The following IQCF1 variants were observed in gnomAD, a reference collection of about 807,000 sequenced individuals.
IQCF1 encodes IQ domain-containing protein F1.
A neutral mutation model predicts 12.5 loss-of-function variants in IQCF1; 9 were observed. That is an observed-to-expected ratio of 0.72 (90% CI 0.43 to 1.26). The LOEUF (loss-of-function observed/expected upper bound fraction) is 1.26. IQCF1 is among the 50% of genes most tolerant of loss of function. The pLI is 0.00. For missense variants in IQCF1, 252 were observed against 257.4 expected (o/e 0.98, Z 0.14); for synonymous variants, 67 against 96.2 (o/e 0.70, Z 1.78).
Position 51,903,097 on chromosome 3 carries a change from C to G in IQCF1, c.4-8G>C. On this transcript the variant is annotated splice_polypyrimidine_tract_variant and splice_region_variant and intron_variant, in intron 1 of 3. Transcript: ENST00000310914. ...TTGGGGCTGCTTCTCCTCCTGCAAT[C>G]AGCATTAGGGGAAAGGCAAGAGTGA... 1 of 1,613,582 alleles carries G rather than the reference C, an allele frequency of 6.2e-7. No individual in the cohort carries two copies. The highest frequency in any genetic ancestry group is 8.5e-7 in the Non-Finnish European group (1 of 1,179,498).
At chr3:51,901,146 T>C (rs1699071115) in intron 2 of IQCF1, among the ~76,000 whole-genome samples, 1 of 152,246 alleles carries the variant, frequency 6.6e-6, no homozygotes, top group Admixed American at 6.5e-5. Flanking sequence ...AAAGCAATTG[T>C]TATGCTTGTG....
chr3:51,897,821 C>T (rs1699028963), intron 2 of IQCF1, among the ~76,000 whole-genome samples: 1 of 152,190 alleles, frequency 6.6e-6, no homozygotes, highest in Non-Finnish European at 1.5e-5. Flanking sequence ...TGAGTGGGTC[C>T]TCTCTGCAGT....
chr3:51,896,056 GTC>G (rs1312833038), intron 3 of IQCF1, among the ~76,000 whole-genome samples: 1 of 152,192 alleles, frequency 6.6e-6, no homozygotes, highest in Non-Finnish European at 1.5e-5. Flanking sequence ...TTGCATCTGA[GTC>G]TCTATTAACA....
rs1698993831 is a variant in IQCF1, at chr3:51,895,586, T to A, written c.172-250A>T. Among the ~76,000 whole-genome samples the A allele has an allele frequency of 6.6e-6, 1 of 152,218 alleles. No individual in the cohort carries two copies. The highest frequency in any genetic ancestry group is 1.5e-5 in the Non-Finnish European group (1 of 68,030). ...TGTCCTCCCCATCTTGGGGCACACC[T>A]GCCCTGGCTACCTCACCCAGTTTTC... On this transcript the variant is annotated intron_variant, in intron 3 of 3. Coordinates refer to ENST00000310914, the MANE Select transcript of IQCF1 (RefSeq NM_152397.3). The surrounding 1 kb of genome is among the most constrained non-coding windows in gnomAD (Gnocchi z 4.8).
At chr3:51,903,168 C>G in intron 1 of IQCF1, 79 bp from the exon 2 acceptor site, 1 of 1,589,324 alleles carries the variant, frequency 6.3e-7, no homozygotes, top group Non-Finnish European at 8.6e-7. Context: ...ACATCCCCAG[C>G]TTCCAGGGCT....
chr3:51,903,187 T>C, intron 1 of IQCF1, 83 bp downstream of exon 1: 9 of 1,592,446 alleles, frequency 5.7e-6, no homozygotes, highest in African/African-American at 4.0e-5. Context: ...CTTCTTAGAG[T>C]CTTCAGTGTC....
intron 2 of IQCF1, among the ~76,000 whole-genome samples, chr3:51,901,468 C>T (rs960866734): frequency 5.3e-5 from 8 of 152,334 alleles, no homozygotes; most frequent in African/African-American, 1.9e-4. Flanking sequence ...ATCAATCAGT[C>T]AGCCCTTGTT....
In IQCF1 at chr3:51,895,593, G is replaced by T. The variant is rs1188583399; in HGVS notation, c.172-257C>A. Among the ~76,000 whole-genome samples, 1 of 152,166 alleles carries T rather than the reference G, an allele frequency of 6.6e-6. No individual in the cohort carries two copies. The highest frequency in any genetic ancestry group is 1.5e-5 in the Non-Finnish European group (1 of 68,028). On this transcript the variant is annotated intron_variant, in intron 3 of 3. Coordinates refer to ENST00000310914, the MANE Select transcript of IQCF1 (RefSeq NM_152397.3). The surrounding 1 kb of genome is among the most constrained non-coding windows in gnomAD (Gnocchi z 4.8). ...CCCATCTTGGGGCACACCTGCCCTG[G>T]CTACCTCACCCAGTTTTCCATGGAC... is the stretch of plus-strand genomic sequence containing the variant.
intron 2 of IQCF1, among the ~76,000 whole-genome samples, chr3:51,897,434 CA>C (rs896780723): frequency 6.6e-6 from 1 of 152,222 alleles, no homozygotes; most frequent in African/African-American, 2.4e-5. Flanking sequence ...TTACTTATAA[CA>C]ATTTGGGGGC....
intron 3 of IQCF1, among the ~76,000 whole-genome samples, chr3:51,896,590 C>T (rs1347670211): frequency 6.6e-6 from 1 of 152,128 alleles, no homozygotes; most frequent in Admixed American, 6.6e-5. Context: ...TTCCTCCACC[C>T]CAAAGTTCAA....
At chr3:51,897,126 A>C (rs770417113) in intron 2 of IQCF1, among the ~76,000 whole-genome samples, 24 of 152,002 alleles carry the variant, frequency 1.6e-4, no homozygotes, top group Non-Finnish European at 3.4e-4. Context: ...ACCCTGACTC[A>C]TTCCGATTTC....
chr3:51,900,236 A>G lies in IQCF1; in HGVS notation c.108+2749T>C, dbSNP rs1018762084. Among the ~76,000 whole-genome samples the G allele has an allele frequency of 5.9e-5, 9 of 152,148 alleles. No homozygotes were observed. The highest frequency in any genetic ancestry group is 2.2e-4 in the African/African-American group (9 of 41,420). ...CTAACCACCGAGACTGCTGTTGTACAGCGGAAAGGGGATGGACTCACCACA... is the reference window on the plus strand; with the variant it reads ...CTAACCACCGAGACTGCTGTTGTACGGCGGAAAGGGGATGGACTCACCACA... On this transcript the variant is annotated intron_variant, in intron 2 of 3. Transcript: ENST00000310914. This position sits in a 1 kb window ranked among gnomAD's most constrained non-coding sequence, Gnocchi z 4.2.
Position 51,894,933 on chromosome 3 carries a change from G to T in IQCF1, c.575C>A (p.Pro192His), listed in dbSNP as rs577128122. ...LQLEILLDSGPCIVTECIPFS... is the reference protein window; with the variant it reads ...LQLEILLDSGHCIVTECIPFS... The stretch of plus-strand genomic sequence containing the variant: ...GGGAATACACTCTGTCACAATGCAA[G>T]GCCCTGAGTCCAGCAAGATCTCCAG... Residue 192 changes from proline (P) to histidine (H), a missense_variant, in exon 4 of 4, where the codon CCT becomes CAT. Physicochemically the swap from Pro to His is moderately conservative, Grantham distance 77 (BLOSUM62 -2). Transcript: ENST00000310914. The T allele has an allele frequency of 1.8e-5, 29 of 1,614,152 alleles. No individual in the cohort carries two copies. In the South Asian group the frequency reaches 3.2e-4, roughly 18 times the overall value.
chr3:51,899,614 T>G (rs1364323098), intron 2 of IQCF1, among the ~76,000 whole-genome samples: 1 of 152,226 alleles, frequency 6.6e-6, no homozygotes, highest in Non-Finnish European at 1.5e-5. Context: ...GTAAACATAT[T>G]GGCTAAAGTT....
rs759553486 is a variant in IQCF1 at position 51,895,083 on chromosome 3, C to T, written c.425G>A (p.Arg142Lys). The T allele has an allele frequency of 6.2e-7, 1 of 1,614,234 alleles. No homozygotes were observed. Among genetic ancestry groups the T allele is most frequent in the Non-Finnish European group, 8.5e-7 (1 of 1,180,048 alleles). Residue 142 changes from arginine (R) to lysine (K), a missense_variant, in exon 4 of 4, where the codon AGA becomes AAA. By Grantham distance (26) the Arg-to-Lys change is conservative. Transcript: ENST00000310914. This position sits in a 1 kb window ranked among gnomAD's most constrained non-coding sequence, Gnocchi z 4.8. ...AGCATTGAGCACCTGGCAATAGCGT[C>T]TGCGGATGCGCCACATGCGGGCCTG... The part of the protein sequence containing the change: ...QSQARMWRIR[R>K]RYCQVLNAVR...
chr3:51,900,116 C>T lies in IQCF1; in HGVS notation c.108+2869G>A, dbSNP rs558775305. On this transcript the variant is annotated intron_variant, in intron 2 of 3. Coordinates refer to ENST00000310914, the MANE Select transcript of IQCF1 (RefSeq NM_152397.3). This position sits in a 1 kb window ranked among gnomAD's most constrained non-coding sequence, Gnocchi z 4.2. ...GCACAGGTACCACCCCTAGAATTTC[C>T]GGTAAACCAGCACCAGCCTGAAGAT... 2.6e-5 allele frequency among the ~76,000 whole-genome samples: 4 copies of T among 152,210 alleles called. No homozygotes were observed. The South Asian group carries it at 8.3e-4, about 32-fold the overall frequency.
chr3:51,901,762 G>T (rs1337267819), intron 2 of IQCF1, among the ~76,000 whole-genome samples: 2 of 152,180 alleles, frequency 1.3e-5, no homozygotes, highest in East Asian at 3.8e-4. Flanking sequence ...ATATTTTGTT[G>T]AGAGACAATT....
chr3:51,897,343 G>T (rs148799282), intron 2 of IQCF1, among the ~76,000 whole-genome samples: 1 of 152,188 alleles, frequency 6.6e-6, no homozygotes, highest in African/African-American at 2.4e-5. Flanking sequence ...CTGAAAGGGC[G>T]CACCCTTCTA....
At chr3:51,902,190 C>T (rs1199153424) in intron 2 of IQCF1, among the ~76,000 whole-genome samples, 2 of 152,200 alleles carry the variant, frequency 1.3e-5, no homozygotes, top group Admixed American at 6.5e-5. Flanking sequence ...CTGTGTCACA[C>T]CATGCGTCCG....
Sources: gnomAD v4.1 joint callset for allele counts (sites outside exome capture counted in the v4.1 genomes callset) on GRCh38, gnomAD v4.1.1 for gene constraint, Gnocchi (gnomAD v3.1) non-coding constraint, MANE v1.5 for transcripts, NCBI Gene and HGNC (gene_info 2026-07-23, HGNC 2026-07-21) for gene names.